The following GPATCH8 variants were observed in gnomAD, a reference collection of about 807,000 sequenced individuals.
The protein encoded by GPATCH8 is G patch domain-containing protein 8.
A neutral mutation model predicts 118.3 loss-of-function variants in GPATCH8; 18 were observed. The ratio of observed to expected loss-of-function variants is 0.15; its 90% CI spans 0.11 to 0.23. The LOEUF (loss-of-function observed/expected upper bound fraction) is 0.23. Among genes scored for constraint, GPATCH8 ranks in the 10% least tolerant of loss-of-function variants. The probability of loss-of-function intolerance (pLI) is 1.00; values close to 1 mark genes in which losing one functional copy is unlikely to be tolerated. For synonymous variants in GPATCH8, 659 were observed against 684.7 expected (o/e 0.96, Z 0.59); for missense variants, 1,631 against 1,873.8 (o/e 0.87, Z 2.39).
rs2143533815 is a variant in GPATCH8 at position 44,395,386 on chromosome 17, G to C, written c.*2182C>G. 1 of 452,836 alleles carries C rather than the reference G, an allele frequency of 2.2e-6. No homozygotes were observed. Among genetic ancestry groups the C allele is most frequent in the East Asian group, 6.9e-5 (1 of 14,396 alleles). 28.1% of individuals were successfully genotyped at this position (452,836 alleles called of 1,614,324 possible). A position where few individuals can be genotyped will look rare whatever the true frequency, so the allele number is the denominator to read the frequency against. On this transcript the variant is annotated 3_prime_UTR_variant, in exon 8 of 8. Transcript: ENST00000591680. ...TAAATACAATCTGTTATGCTTGTAA[G>C]TAAGGTTTATTTTTATTTTTACTTT... is the stretch of plus-strand genomic sequence containing the variant.
intron 1 of GPATCH8, among the ~76,000 whole-genome samples, chr17:44,491,036 T>C (rs996217749): frequency 6.6e-6 from 1 of 152,216 alleles, no homozygotes; most frequent in Non-Finnish European, 1.5e-5. Flanking sequence ...GATTAAACTA[T>C]GTAGAAATTA....
chr17:44,412,385 ATTTT>A (rs1567952589), intron 6 of GPATCH8, among the ~76,000 whole-genome samples: 2 of 151,814 alleles, frequency 1.3e-5, no homozygotes, highest in Admixed American at 6.6e-5. Flanking sequence ...CTTTCATTTT[ATTTT>A]TTATTTCATT....
At chr17:44,433,076 G>A (rs1232721149) in intron 5 of GPATCH8, among the ~76,000 whole-genome samples, 1 of 151,620 alleles carries the variant, frequency 6.6e-6, no homozygotes, top group African/African-American at 2.4e-5. Context: ...TCAAACTCCT[G>A]GGCTCAAGCA....
chr17:44,413,630 C>T (rs1165977058), intron 6 of GPATCH8, among the ~76,000 whole-genome samples: 1 of 152,086 alleles, frequency 6.6e-6, no homozygotes, highest in African/African-American at 2.4e-5. Context: ...TGCGTGCCAC[C>T]ACACCGGGCT....
At position 44,398,137 on chromosome 17, in the gene GPATCH8, G is replaced by A. The variant is rs891630120; in HGVS notation, c.3940C>T (p.Pro1314Ser). 10 of 1,613,338 alleles carry A rather than the reference G, an allele frequency of 6.2e-6. No individual in the cohort carries two copies. In the African/African-American group the frequency reaches 1.1e-4, roughly 17 times the overall value. The change falls in exon 8 of 8, where the codon CCT becomes TCT. Residue 1314 changes from proline to serine, a missense_variant. Physicochemically the swap from Pro to Ser is moderately conservative, Grantham distance 74. This residue lies in a region of GPATCH8 where 13 missense variants were observed against 35.9 expected (regional missense o/e 0.36). Coordinates refer to ENST00000591680, the MANE Select transcript of GPATCH8 (RefSeq NM_001002909.4). ...TTGCTGTACTTCTCCATCTCCTCAG[G>A]GGTGAAGGTGATGGGCTGGCTTTCC... ...PLESQPITFT[P>S]EEMEKYSKLQ...
chr17:44,401,821 C>CGGGA (rs1471803628), intron 7 of GPATCH8, among the ~76,000 whole-genome samples: 2 of 151,612 alleles, frequency 1.3e-5, no homozygotes, highest in Non-Finnish European at 2.9e-5. Flanking sequence ...CTGGCCAACA[C>CGGGA]GGTGAAACCC....
chr17:44,483,176 AATATATAT>A (rs1163758356), intron 1 of GPATCH8, among the ~76,000 whole-genome samples: 306 of 12,924 alleles, frequency 0.024, 23 homozygotes, highest in African/African-American at 0.025. Flanking sequence ...AAAAAAAAAA[AATATATAT>A]ATATATATAT....
chr17:44,469,366 T>C lies in GPATCH8; in HGVS notation c.121-4822A>G, dbSNP rs188973412. Among the ~76,000 whole-genome samples, 50 of 152,230 alleles carry C rather than the reference T, an allele frequency of 3.3e-4. No homozygotes were observed. In the East Asian group the frequency reaches 8.5e-3, roughly 26 times the overall value. ...AAGCTGTATGCCACCATAGTAACAA[T>C]GATCATTTTGGTAACAGCACCACCA... On this transcript the variant is annotated intron_variant, in intron 2 of 7. Transcript: ENST00000591680.
chr17:44,430,794 C>T (rs1430003506), intron 5 of GPATCH8, among the ~76,000 whole-genome samples: 1 of 148,558 alleles, frequency 6.7e-6, no homozygotes, highest in Admixed American at 6.9e-5. Flanking sequence ...AGGCACACAA[C>T]ACCACGCCCA....
chr17:44,398,477 G>A lies in GPATCH8; in HGVS notation c.3600C>T (p.Gly1200=). ...CTTCTGGGGGTGGGTCTAATAAGGG[G>A]CCAGTTGTTTCCTCTGAAGGGAACT... is the stretch of plus-strand genomic sequence containing the variant. The part of the protein sequence containing the change: ...GHQFPSEETT[G]PLLDPPPEES... The change falls in exon 8 of 8, where the codon GGC becomes GGT. Residue 1200 remains glycine, a synonymous_variant. Coordinates refer to ENST00000591680, the MANE Select transcript of GPATCH8 (RefSeq NM_001002909.4). 6 of 1,610,072 alleles carry A rather than the reference G, an allele frequency of 3.7e-6. No homozygotes were observed. The highest frequency in any genetic ancestry group is 5.1e-6 in the Non-Finnish European group (6 of 1,177,914).
intron 1 of GPATCH8, among the ~76,000 whole-genome samples, chr17:44,490,196 T>A (rs1004193369): frequency 1.1e-4 from 17 of 152,132 alleles, no homozygotes; most frequent in Non-Finnish European, 2.9e-5. Context: ...TAGTCTCAGC[T>A]ATTCAAGAGC....
chr17:44,399,119 C>A lies in GPATCH8; in HGVS notation c.2958G>T (p.Arg986=), dbSNP rs149427188. 7 of 1,611,968 alleles carry A rather than the reference C, an allele frequency of 4.3e-6. No individual in the cohort carries two copies. Among genetic ancestry groups the A allele is most frequent in the Non-Finnish European group, 4.2e-6 (5 of 1,178,612 alleles). ...TGCGGCTGCGGTCCCGGCTATAGCT[C>A]CGGCTCCGTTGCCAGCTGTGGGCTG... is the stretch of plus-strand genomic sequence containing the variant. ...STTAHSWQRS[R]SYSRDRSRST... is the part of the protein sequence containing the mutation. The change falls in exon 8 of 8, where the codon CGG becomes CGT. Residue 986 remains arginine, a synonymous_variant. Transcript: ENST00000591680.
intron 4 of GPATCH8, among the ~76,000 whole-genome samples, chr17:44,435,806 G>A (rs1174642489): frequency 6.7e-6 from 1 of 148,314 alleles, no homozygotes; most frequent in Non-Finnish European, 1.5e-5. Flanking sequence ...CGGGTCACCT[G>A]AGGTCAAGAG....
intron 1 of GPATCH8, among the ~76,000 whole-genome samples, chr17:44,478,472 G>A (rs556114479): frequency 1.3e-5 from 2 of 152,108 alleles, no homozygotes; most frequent in African/African-American, 2.4e-5. Context: ...GCAACATAGC[G>A]AGCAAGACCT....
rs1250210549 is a variant in GPATCH8, at chr17:44,435,124, G to A, written c.289C>T (p.Arg97Trp). The A allele has an allele frequency of 1.3e-6, 2 of 1,510,464 alleles. No individual in the cohort carries two copies. Among genetic ancestry groups the A allele is most frequent in the Non-Finnish European group, 9.2e-7 (1 of 1,085,552 alleles). The allele number at this position is 1,510,464 out of a possible 1,614,324, so 93.6% of individuals were successfully genotyped here. ...TTTTCTACTTCTAGGACACGGCGCCGTTCGGTAGCATCTTCAGCATAATCA... is the reference window on the plus strand; with the variant it reads ...TTTTCTACTTCTAGGACACGGCGCCATTCGGTAGCATCTTCAGCATAATCA... ...ELDYAEDATE[R>W]RRVLEVEKED... is the part of the protein sequence containing the mutation. The change falls in exon 5 of 8, where the codon CGG becomes TGG. Residue 97 changes from arginine to tryptophan, a missense_variant. Arg to Trp is a moderately radical substitution (Grantham distance 101). Coordinates refer to ENST00000591680, the MANE Select transcript of GPATCH8 (RefSeq NM_001002909.4).
chr17:44,401,156 CTT>C lies in GPATCH8; in HGVS notation c.919_920del (p.Lys307GlyfsTer22). ...CTATTGATTCGAGTTTGACAGGAGCCTTTTTGGCAAAAGAAAATGACACTCCC... is the reference window on the plus strand; with the variant it reads ...CTATTGATTCGAGTTTGACAGGAGCCTTTGGCAAAAGAAAATGACACTCCC... ...KLGVSFSFAK[K>X]APVKLESIAS... is the part of the protein sequence containing the mutation. On this transcript the variant is annotated frameshift_variant, in exon 8 of 8. Coordinates refer to ENST00000591680, the MANE Select transcript of GPATCH8 (RefSeq NM_001002909.4). LOFTEE classifies it high-confidence loss of function. 6.2e-7 allele frequency: 1 copy of C among 1,614,140 alleles called. No homozygotes were observed. The highest frequency in any genetic ancestry group is 8.5e-7 in the Non-Finnish European group (1 of 1,180,002).
intron 1 of GPATCH8, among the ~76,000 whole-genome samples, chr17:44,476,770 T>G (rs898876427): frequency 2.0e-5 from 3 of 152,224 alleles, no homozygotes; most frequent in Non-Finnish European, 4.4e-5. Context: ...TATAATGATG[T>G]ATTTGATCAT....
intron 3 of GPATCH8, among the ~76,000 whole-genome samples, chr17:44,452,768 T>C (rs538265311): frequency 1.1e-4 from 16 of 152,316 alleles, no homozygotes; most frequent in African/African-American, 3.8e-4. Context: ...TTAAAACATT[T>C]TGGAACCCTA....
At chr17:44,461,080 A>G (rs2051527945) in intron 3 of GPATCH8, among the ~76,000 whole-genome samples, 1 of 152,248 alleles carries the variant, frequency 6.6e-6, no homozygotes, top group African/African-American at 2.4e-5. Context: ...TGGACTTTGC[A>G]CCAACAATGT....
Sources: allele counts gnomAD v4.1 joint callset (sites outside exome capture counted in the v4.1 genomes callset), GRCh38; gene constraint gnomAD v4.1.1; regional missense constraint gnomAD v4.1.1; transcripts MANE v1.5; gene names NCBI Gene and HGNC (gene_info 2026-07-23, HGNC 2026-07-21).